LRRC75A: variants seen among roughly 807,000 people sequenced by gnomAD.
LRRC75A encodes leucine-rich repeat-containing protein 75A.
Under a neutral mutation model 26.0 loss-of-function variants are expected in LRRC75A, and 12 were observed. That is an observed-to-expected ratio of 0.46 (90% CI 0.30 to 0.75). The LOEUF (loss-of-function observed/expected upper bound fraction) is 0.75. Among genes scored for constraint, LRRC75A ranks in the 30% least tolerant of loss-of-function variants. LRRC75A has a pLI of 0.08. For synonymous variants in LRRC75A, 223 were observed against 219.3 expected, an observed-to-expected ratio of 1.02 and a Z score of -0.15; for missense variants, 410 against 486.6, an observed-to-expected ratio of 0.84 and a Z score of 1.48.
At chr17:16,447,995 T>C in intron 2 of LRRC75A, 35 bp from the exon 3 acceptor site, 1 of 1,522,182 alleles carries the variant, frequency 6.6e-7, no homozygotes. Flanking sequence ...GGGCCCTGAG[T>C]GGCTGGGTGC....
chr17:16,481,655 G>A (rs893820086), intron 1 of LRRC75A, among the ~76,000 whole-genome samples: 2 of 151,902 alleles, frequency 1.3e-5, no homozygotes, highest in Non-Finnish European at 2.9e-5. Flanking sequence ...GTGTCTGTGG[G>A]TCGGCAAGAT....
Position 16,491,724 on chromosome 17 carries a change from G to A in LRRC75A, c.246+21C>T. 1.0e-6 allele frequency: 1 copy of A among 973,412 alleles called. No individual in the cohort carries two copies. The highest frequency in any genetic ancestry group is 1.3e-6 in the Non-Finnish European group (1 of 759,376). The allele number at this position is 973,412 out of a possible 1,614,324, so 60.3% of individuals were successfully genotyped here. ...CGCCCCCTGGCCCGGCGCGCCCCCC[G>A]CGCCCCCTCCCCGCGCTCACCTGGC... On this transcript the variant is annotated intron_variant, in intron 1 of 3. Coordinates refer to ENST00000470794, the MANE Select transcript of LRRC75A (RefSeq NM_001113567.3). This position sits in a 1 kb window ranked among gnomAD's most constrained non-coding sequence, Gnocchi z 5.9.
chr17:16,484,605 G>GA (rs1568987347), intron 1 of LRRC75A, among the ~76,000 whole-genome samples: 1 of 152,146 alleles, frequency 6.6e-6, no homozygotes, highest in Admixed American at 6.5e-5. Flanking sequence ...GCTGAGAGGG[G>GA]AGCTGACCAA....
intron 1 of LRRC75A, among the ~76,000 whole-genome samples, chr17:16,480,380 A>T (rs1381744128): frequency 6.6e-6 from 1 of 152,162 alleles, no homozygotes; most frequent in East Asian, 1.9e-4. Flanking sequence ...CTGTAATCCT[A>T]GCACTTTGGG....
At chr17:16,450,367 G>C (rs1403511420) in intron 2 of LRRC75A, among the ~76,000 whole-genome samples, 1 of 152,170 alleles carries the variant, frequency 6.6e-6, no homozygotes, top group Non-Finnish European at 1.5e-5. Context: ...GGAAGCAAAG[G>C]AGGGCCCGAG....
chr17:16,491,853 CG>C lies in LRRC75A; in HGVS notation c.137del (p.Ala46GlyfsTer46). On this transcript the variant is annotated frameshift_variant, in exon 1 of 4. Transcript: ENST00000470794. LOFTEE classifies it high-confidence loss of function. The surrounding 1 kb of genome is among the most constrained non-coding windows in gnomAD (Gnocchi z 5.9). ...CTCGCCGGTGGTAGGGGGGCATCCC[CG>C]CGCCCGCGCGCCCCGCCTTGTCCCC... ...RAGDKAGRAG[A>X]GMPPYHRRVG... is the part of the protein sequence containing the mutation. 7.2e-7 allele frequency: 1 copy of C among 1,393,524 alleles called. No individual in the cohort carries two copies. The highest frequency in any genetic ancestry group is 9.4e-7 in the Non-Finnish European group (1 of 1,069,496). The allele number at this position is 1,393,524 out of a possible 1,614,324, so 86.3% of individuals were successfully genotyped here. A position where few individuals can be genotyped will look rare whatever the true frequency, so the allele number is the denominator to read the frequency against.
intron 2 of LRRC75A, among the ~76,000 whole-genome samples, chr17:16,452,482 GGCTGGAGTGC>G (rs1389909368): frequency 6.6e-6 from 1 of 151,542 alleles, no homozygotes; most frequent in Non-Finnish European, 1.5e-5. Context: ...CTGTTGCCCA[GGCTGGAGTGC>G]AGTGGCGCGG....
rs2093553827 is a variant in LRRC75A at position 16,443,673 on chromosome 17, C to T, written c.950G>A (p.Gly317Asp). The T allele has an allele frequency of 6.3e-7, 1 of 1,589,712 alleles. No homozygotes were observed. Among genetic ancestry groups the T allele is most frequent in the East Asian group, 2.3e-5 (1 of 43,312 alleles). The part of the protein sequence containing the change: ...SGEEVREGTV[G>D]QEDPGGGPVA... ...AGGGCCCCCTCCAGGGTCCTCCTGG[C>T]CTACTGTCCCTTCCCGGACCTCCTC... is the stretch of plus-strand genomic sequence containing the variant. The change falls in exon 4 of 4, where the codon GGC (glycine) becomes GAC (aspartate). Residue 317 changes from glycine (G) to aspartate (D), a missense_variant. Physicochemically the swap from Gly to Asp is moderately conservative, Grantham distance 94. Transcript: ENST00000470794.
chr17:16,447,020 G>A, intron 3 of LRRC75A: 1 of 306,080 alleles, frequency 3.3e-6, no homozygotes, highest in Non-Finnish European at 6.6e-6. Flanking sequence ...TCCTTCCCCA[G>A]CCTGCAGGGA....
intron 2 of LRRC75A, among the ~76,000 whole-genome samples, chr17:16,452,697 G>C (rs557859575): frequency 1.3e-5 from 2 of 152,130 alleles, no homozygotes; most frequent in African/African-American, 4.8e-5. Flanking sequence ...GCCTCCTAAA[G>C]TGCTGGGATT....
chr17:16,475,010 AAG>A (rs935553686), intron 1 of LRRC75A, among the ~76,000 whole-genome samples: 7 of 151,822 alleles, frequency 4.6e-5, no homozygotes, highest in South Asian at 2.1e-4. Context: ...AAAAAAAAAA[AAG>A]AGAGAAACAT....
intron 1 of LRRC75A, among the ~76,000 whole-genome samples, chr17:16,485,681 T>TGTGTGTGTGTGTATGTGTGTTC: frequency 7.4e-6 from 1 of 135,544 alleles, no homozygotes; most frequent in African/African-American, 3.0e-5. Context: ...CGTGTGTGTG[T>TGTGTGTGTGTGTATGTGTGTTC]GTGTGTGTGT....
At chr17:16,458,305 AAAAG>A (rs759863256) in intron 2 of LRRC75A, among the ~76,000 whole-genome samples, 10 of 152,070 alleles carry the variant, frequency 6.6e-5, no homozygotes, top group Admixed American at 4.6e-4. Context: ...AGACTCTGTC[AAAAG>A]AAAGAAAGAA....
intron 2 of LRRC75A, among the ~76,000 whole-genome samples, chr17:16,459,520 G>A (rs1325709616): frequency 6.6e-6 from 1 of 152,202 alleles, no homozygotes; most frequent in East Asian, 1.9e-4. Context: ...CTCGCAGGGT[G>A]GCAAGTGGGA....
At chr17:16,481,639 G>C (rs999526152) in intron 1 of LRRC75A, among the ~76,000 whole-genome samples, 2 of 151,970 alleles carry the variant, frequency 1.3e-5, no homozygotes, top group African/African-American at 4.8e-5. Flanking sequence ...GGCCTGGCAG[G>C]AGAAGGTGTC....
At chr17:16,483,285 G>A (rs1363507358) in intron 1 of LRRC75A, among the ~76,000 whole-genome samples, 1 of 152,220 alleles carries the variant, frequency 6.6e-6, no homozygotes, top group East Asian at 1.9e-4. Context: ...AGGTTCCCTG[G>A]TTCTGGCCTC....
chr17:16,460,482 C>T (rs578240077), intron 2 of LRRC75A, among the ~76,000 whole-genome samples: 183 of 152,264 alleles, frequency 1.2e-3, no homozygotes, highest in Non-Finnish European at 2.2e-3. Context: ...GGTCCTTCTC[C>T]CCACACAGGC....
At chr17:16,450,354 C>A (rs1316673051) in intron 2 of LRRC75A, among the ~76,000 whole-genome samples, 1 of 152,050 alleles carries the variant, frequency 6.6e-6, no homozygotes, top group African/African-American at 2.4e-5. Flanking sequence ...GTGGAGGGAC[C>A]CAGGAAGCAA....
rs8064319 is a variant in LRRC75A at position 16,475,751 on chromosome 17, A to T, written c.247-13365T>A. ...CCACACCAGCTAATTAAAAAAAAAAATTTTGTAGAAACGGGCTGAGCACGG... is the reference window on the plus strand; with the variant it reads ...CCACACCAGCTAATTAAAAAAAAAATTTTTGTAGAAACGGGCTGAGCACGG... On this transcript the variant is annotated intron_variant, in intron 1 of 3. Transcript: ENST00000470794. 6.5e-3 allele frequency among the ~76,000 whole-genome samples: 988 copies of T among 152,102 alleles called. 8 individuals are homozygous for T. Among genetic ancestry groups the T allele is most frequent in the East Asian group, 0.027 (142 of 5,174 alleles).
Sources: gnomAD v4.1 joint callset for allele counts (sites outside exome capture counted in the v4.1 genomes callset) on GRCh38, gnomAD v4.1.1 for gene constraint, Gnocchi (gnomAD v3.1) non-coding constraint, MANE v1.5 for transcripts, NCBI Gene and HGNC (gene_info 2026-07-23, HGNC 2026-07-21) for gene names.